Variants in DYNC2I1 observed in about 807,000 individuals in gnomAD.
DYNC2I1 encodes dynein 2 intermediate chain 1.
DYNC2I1 carries 89 observed loss-of-function variants against 133.4 expected under a neutral mutation model. The ratio of observed to expected loss-of-function variants is 0.67; its 90% confidence interval spans 0.56 to 0.80. The LOEUF is 0.80. Among genes scored for constraint, DYNC2I1 ranks in the 30% least tolerant of loss-of-function variants. The pLI, the probability that DYNC2I1 is intolerant of heterozygous loss-of-function variation, is 0.00. For synonymous variants in DYNC2I1, 504 were observed against 484.3 expected, an observed-to-expected ratio of 1.04 and a Z score of -0.54; for missense variants, 1,291 against 1,314.5, an observed-to-expected ratio of 0.98 and a Z score of 0.28.
intron 16 of DYNC2I1, among the ~76,000 whole-genome samples, chr7:158,923,351 A>T (rs1267353948): frequency 6.6e-6 from 1 of 152,112 alleles, no homozygotes; most frequent in Non-Finnish European, 1.5e-5. Flanking sequence ...TGATCATAAC[A>T]AGCCTACGGG....
intron 4 of DYNC2I1, among the ~76,000 whole-genome samples, chr7:158,877,904 C>G (rs1843516055): frequency 6.6e-6 from 1 of 152,226 alleles, no homozygotes; most frequent in African/African-American, 2.4e-5. Flanking sequence ...AGGCATCTCT[C>G]AGAGAAGTCA....
At chr7:158,910,178 C>T (rs1847253013) in intron 11 of DYNC2I1, among the ~76,000 whole-genome samples, 2 of 152,256 alleles carry the variant, frequency 1.3e-5, no homozygotes, top group South Asian at 4.1e-4. Flanking sequence ...TAGGGTGAAA[C>T]TTAGGAAAGG....
chr7:158,946,468 C>G (rs1431063666), downstream of DYNC2I1, among the ~76,000 whole-genome samples: 1 of 152,216 alleles, frequency 6.6e-6, no homozygotes, highest in Non-Finnish European at 1.5e-5. Context: ...ATCAAGGCGC[C>G]CCGTGTTTCG....
intron 20 of DYNC2I1, among the ~76,000 whole-genome samples, chr7:158,928,040 G>A (rs1849794824): frequency 6.6e-6 from 1 of 152,174 alleles, no homozygotes; most frequent in African/African-American, 2.4e-5. Context: ...CAACCCCAGG[G>A]TGTATCAGGA....
At chr7:158,907,852 A>G (rs7779123) in intron 11 of DYNC2I1, among the ~76,000 whole-genome samples, 36,115 of 151,740 alleles carry the variant, frequency 0.24, 5,104 homozygotes, top group East Asian at 0.52. Flanking sequence ...GGCTCAAGCA[A>G]TCCACCCACC....
chr7:158,941,970 G>C lies in DYNC2I1; in HGVS notation c.2824G>C (p.Ala942Pro). 1 of 1,612,366 alleles carries C rather than the reference G, an allele frequency of 6.2e-7. No individual in the cohort carries two copies. The highest frequency in any genetic ancestry group is 8.5e-7 in the Non-Finnish European group (1 of 1,179,336). Residue 942 changes from alanine (A) to proline (P), a missense_variant, in exon 24 of 25, where the codon GCG (alanine) becomes CCG (proline). Ala to Pro is a conservative substitution (Grantham distance 27, BLOSUM62 -1). Transcript: ENST00000407559. ...CATCAGGCTGCACCAGCTGAGCTCCGCGTTTCCGCTCCTGCAGTGGGACAG... is the reference window on the plus strand; with the variant it reads ...CATCAGGCTGCACCAGCTGAGCTCCCCGTTTCCGCTCCTGCAGTGGGACAG... ...GSIRLHQLSSAFPLLQWDSST... is the reference protein window; with the variant it reads ...GSIRLHQLSSPFPLLQWDSST...
At chr7:158,914,146 G>C (rs979777259) in intron 13 of DYNC2I1, 87 bp from the exon 14 acceptor site, 4 of 1,059,482 alleles carry the variant, frequency 3.8e-6, no homozygotes, top group Middle Eastern at 2.2e-4. Flanking sequence ...ATGTTGATTT[G>C]TTAGGCCTGT....
In DYNC2I1 at chr7:158,940,344, C is replaced by T. The variant is rs111682052; in HGVS notation, c.2779-1581C>T. Among the ~76,000 whole-genome samples, 786 of 152,156 alleles carry T rather than the reference C, an allele frequency of 5.2e-3. 6 individuals carry two copies. Among genetic ancestry groups the T allele is most frequent in the African/African-American group, 0.018 (748 of 41,506 alleles). On this transcript the variant is annotated intron_variant, in intron 23 of 24. Transcript: ENST00000407559. ...TGCTTCTGTGAGAATCTAGTGCTGC[C>T]GCTGATCTGACAGGAGGTGGGGTTC...
intron 8 of DYNC2I1, among the ~76,000 whole-genome samples, chr7:158,896,489 G>C: frequency 6.6e-6 from 1 of 151,796 alleles, no homozygotes. Context: ...TTGTTTTTTT[G>C]AGGCAGGGTG....
chr7:158,876,096 T>C (rs116025600), intron 3 of DYNC2I1, among the ~76,000 whole-genome samples: 2,194 of 152,284 alleles, frequency 0.014, 47 homozygotes, highest in African/African-American at 0.05. Flanking sequence ...GACTCACCAT[T>C]GTGCGGGCTG....
downstream of DYNC2I1, among the ~76,000 whole-genome samples, chr7:158,947,351 G>A (rs1205332380): frequency 6.6e-6 from 1 of 152,222 alleles, no homozygotes; most frequent in Non-Finnish European, 1.5e-5. Flanking sequence ...TGGTCTAGAA[G>A]TTTTGAGACT....
At chr7:158,841,183 A>G in the DYNC2I1 span, among the ~76,000 whole-genome samples, 8 of 19,034 alleles carry the variant, frequency 4.2e-4, no homozygotes, top group African/African-American at 8.7e-4. Flanking sequence ...ATATATATAT[A>G]TATATATATA....
At chr7:158,930,341 G>A (rs1850095067) in intron 20 of DYNC2I1, 114 bp from the exon 21 acceptor site, 2 of 935,680 alleles carry the variant, frequency 2.1e-6, no homozygotes, top group African/African-American at 1.6e-5. Flanking sequence ...TGCATTTGAT[G>A]TTATTTCCTA....
intron 17 of DYNC2I1, among the ~76,000 whole-genome samples, chr7:158,925,397 C>T (rs1262847722): frequency 6.6e-6 from 1 of 152,034 alleles, no homozygotes; most frequent in East Asian, 1.9e-4. Flanking sequence ...TGATATGTTT[C>T]CAGATGCCCT....
chr7:158,951,437 A>G (rs1290906466), intron 4 of DYNC2I1, among the ~76,000 whole-genome samples: 1 of 152,232 alleles, frequency 6.6e-6, no homozygotes, highest in Non-Finnish European at 1.5e-5. Context: ...CGAGAGGCAC[A>G]GGGAGACGGG....
At chr7:158,913,688 A>T (rs1360352773) in intron 13 of DYNC2I1, among the ~76,000 whole-genome samples, 1 of 152,074 alleles carries the variant, frequency 6.6e-6, no homozygotes, top group Non-Finnish European at 1.5e-5. Flanking sequence ...GACTTACATG[A>T]TAATTAAATT....
chr7:158,945,215 G>T lies in DYNC2I1; in HGVS notation c.3003-366G>T, dbSNP rs991925704. On this transcript the variant is annotated intron_variant, in intron 24 of 24. Transcript: ENST00000407559. This position sits in a 1 kb window ranked among gnomAD's most constrained non-coding sequence, Gnocchi z 4.1. ...GCAGACTTGTGAGTCCTGACACTCAGCTGTGGGTGAGATCCAGGGAGGCTG... is the reference window on the plus strand; with the variant it reads ...GCAGACTTGTGAGTCCTGACACTCATCTGTGGGTGAGATCCAGGGAGGCTG... 6.6e-6 allele frequency among the ~76,000 whole-genome samples: 1 copy of T among 152,096 alleles called. No homozygotes were observed. The highest frequency in any genetic ancestry group is 2.4e-5 in the African/African-American group (1 of 41,406).
intron 21 of DYNC2I1, among the ~76,000 whole-genome samples, chr7:158,933,021 C>G (rs564145725): frequency 1.3e-5 from 2 of 152,064 alleles, no homozygotes; most frequent in East Asian, 1.9e-4. Context: ...TGCCCAGGAG[C>G]TAGGGGCCTC....
chr7:158,902,300 A>G, intron 9 of DYNC2I1, 76 bp from the exon 10 acceptor site: 1 of 1,191,256 alleles, frequency 8.4e-7, no homozygotes, highest in Non-Finnish European at 1.2e-6. Context: ...ATAAAGTGTC[A>G]TGTTTTGTTC....
Sources: gnomAD v4.1 joint callset for allele counts (sites outside exome capture counted in the v4.1 genomes callset) on GRCh38, gnomAD v4.1.1 for gene constraint, Gnocchi (gnomAD v3.1) non-coding constraint, MANE v1.5 for transcripts, NCBI Gene and HGNC (gene_info 2026-07-23, HGNC 2026-07-21) for gene names.